The following SUMF1 variants were observed in gnomAD, a reference collection of about 807,000 sequenced individuals.
SUMF1 encodes formylglycine-generating enzyme.
SUMF1 carries 48 observed loss-of-function variants against 47.6 expected under a neutral mutation model. The ratio of observed to expected loss-of-function variants is 1.01; its 90% CI spans 0.80 to 1.28. The LOEUF (loss-of-function observed/expected upper bound fraction) is 1.28, where lower values mean the gene tolerates loss of function less well. Among genes scored for constraint, SUMF1 ranks in the 50% most tolerant of loss-of-function variants. The pLI is 0.00. For synonymous variants in SUMF1, 230 were observed against 192.1 expected (o/e 1.20, Z -1.63); for missense variants, 571 against 485.4 (o/e 1.18, Z -1.66).
chr3:4,315,413 G>T (rs552431044), intron 8 of SUMF1, among the ~76,000 whole-genome samples: 4 of 152,230 alleles, frequency 2.6e-5, no homozygotes, highest in Admixed American at 2.6e-4. Flanking sequence ...ATTCCCAGAG[G>T]ACAATCTTCC....
At chr3:4,276,795 C>T (rs1697429194) in intron 8 of SUMF1, among the ~76,000 whole-genome samples, 1 of 151,946 alleles carries the variant, frequency 6.6e-6, no homozygotes, top group Non-Finnish European at 1.5e-5. Flanking sequence ...TTTTTATTTT[C>T]TAGGTAAATT....
intron 8 of SUMF1, among the ~76,000 whole-genome samples, chr3:4,306,820 G>C (rs1698208544): frequency 6.6e-6 from 1 of 152,198 alleles, no homozygotes; most frequent in Non-Finnish European, 1.5e-5. Flanking sequence ...TTTGCCTTTG[G>C]CTACTGTGTG....
At chr3:4,295,960 A>G (rs751717132) in intron 8 of SUMF1, among the ~76,000 whole-genome samples, 26 of 152,198 alleles carry the variant, frequency 1.7e-4, no homozygotes, top group Non-Finnish European at 3.1e-4. Context: ...ATTCTGCTGA[A>G]AACATATTTA....
chr3:4,083,093 C>G (rs1692601190), intron 8 of SUMF1, among the ~76,000 whole-genome samples: 1 of 152,096 alleles, frequency 6.6e-6, no homozygotes, highest in Non-Finnish European at 1.5e-5. Context: ...TCAAAGTGCA[C>G]CCCGTGGATA....
intron 6 of SUMF1, among the ~76,000 whole-genome samples, chr3:4,415,122 G>C (rs1050058077): frequency 3.3e-5 from 5 of 151,416 alleles, no homozygotes; most frequent in Admixed American, 3.3e-4. Flanking sequence ...AGCTACTAAG[G>C]AGGCTGAGGC....
downstream of SUMF1, among the ~76,000 whole-genome samples, chr3:4,360,625 G>T (rs1377809962): frequency 6.6e-6 from 1 of 152,152 alleles, no homozygotes; most frequent in Non-Finnish European, 1.5e-5. Context: ...GAGCCACTGG[G>T]CCTGGCCTAC....
At chr3:4,172,322 G>T (rs902208539) in intron 8 of SUMF1, among the ~76,000 whole-genome samples, 1 of 152,044 alleles carries the variant, frequency 6.6e-6, no homozygotes, top group African/African-American at 2.4e-5. Flanking sequence ...AGACATGCAG[G>T]AAATATGATA....
At chr3:4,462,189 T>TC in intron 1 of SUMF1, among the ~76,000 whole-genome samples, 1 of 152,278 alleles carries the variant, frequency 6.6e-6, no homozygotes, top group African/African-American at 2.4e-5. Flanking sequence ...GATGACTCTA[T>TC]CCTACTTCCC....
intron 9 of SUMF1, among the ~76,000 whole-genome samples, chr3:4,061,465 T>C (rs1695275645): frequency 6.6e-6 from 1 of 152,140 alleles, no homozygotes; most frequent in Admixed American, 6.6e-5. Context: ...TTTTTCTGCA[T>C]GTAGTTACAT....
intron 8 of SUMF1, among the ~76,000 whole-genome samples, chr3:4,171,918 G>A (rs185752231): frequency 2.0e-5 from 3 of 152,238 alleles, no homozygotes; most frequent in East Asian, 3.9e-4. Context: ...TTCTGTGCCA[G>A]TCAGAGGAAA....
chr3:4,094,359 C>G (rs1692854318), intron 8 of SUMF1, among the ~76,000 whole-genome samples: 1 of 151,978 alleles, frequency 6.6e-6, no homozygotes, highest in Non-Finnish European at 1.5e-5. Flanking sequence ...CCCTCATGAA[C>G]TTAGAGCTTA....
intron 8 of SUMF1, among the ~76,000 whole-genome samples, chr3:4,353,503 C>T (rs969616286): frequency 2.6e-5 from 4 of 152,292 alleles, no homozygotes; most frequent in Admixed American, 6.5e-5. Flanking sequence ...CCGCCCACCT[C>T]GGCCTCCCAA....
intron 8 of SUMF1, among the ~76,000 whole-genome samples, chr3:4,299,708 GC>G (rs1483957411): frequency 6.6e-6 from 1 of 152,184 alleles, no homozygotes; most frequent in Non-Finnish European, 1.5e-5. Flanking sequence ...TCCTCAAGAG[GC>G]TGAGGCAGGA....
At chr3:4,072,017 G>A (rs1252280602) in intron 8 of SUMF1, among the ~76,000 whole-genome samples, 2 of 152,176 alleles carry the variant, frequency 1.3e-5, no homozygotes, top group Non-Finnish European at 2.9e-5. Context: ...CCCAGTAGGG[G>A]CCGACAGACA....
At chr3:4,251,298 T>G (rs1696796727) in intron 8 of SUMF1, among the ~76,000 whole-genome samples, 1 of 152,158 alleles carries the variant, frequency 6.6e-6, no homozygotes, top group African/African-American at 2.4e-5. Context: ...TGCTGCAATC[T>G]CATTATAAAA....
chr3:4,147,223 T>C (rs914145201), intron 8 of SUMF1, among the ~76,000 whole-genome samples: 1 of 152,128 alleles, frequency 6.6e-6, no homozygotes, highest in African/African-American at 2.4e-5. Flanking sequence ...GGTGGGACTG[T>C]AAACTAGTTC....
At chr3:4,335,963 A>AAAAAACAAAAC (rs1184804181) in intron 8 of SUMF1, among the ~76,000 whole-genome samples, 3 of 146,222 alleles carry the variant, frequency 2.1e-5, no homozygotes, top group Non-Finnish European at 3.0e-5. Context: ...TCCAACTCAA[A>AAAAAACAAAAC]AAAAAAAAAA....
intron 3 of SUMF1, among the ~76,000 whole-genome samples, chr3:4,431,648 C>G (rs1702236723): frequency 6.6e-6 from 1 of 152,206 alleles, no homozygotes; most frequent in South Asian, 2.1e-4. Context: ...GCAGAAAAGG[C>G]TGTAACATCA....
At chr3:4,211,203 C>CATACATATATATATATATATATATAT (rs779146352) in intron 8 of SUMF1, among the ~76,000 whole-genome samples, 1 of 98,160 alleles carries the variant, frequency 1.0e-5, no homozygotes, top group African/African-American at 3.9e-5. Flanking sequence ...TACATACATA[C>CATACATATATATATATATATATATAT]ATATATATAT....
Sources: allele counts gnomAD v4.1 joint callset (sites outside exome capture counted in the v4.1 genomes callset), GRCh38; gene constraint gnomAD v4.1.1; transcripts MANE v1.5; gene names NCBI Gene and HGNC (gene_info 2026-07-23, HGNC 2026-07-21).